COL11A1: variants seen among roughly 807,000 people sequenced by gnomAD.
COL11A1 encodes the protein collagen type XI alpha 1 chain.
A neutral mutation model predicts 265.2 loss-of-function variants in COL11A1; 74 were observed. The ratio of observed to expected loss-of-function variants is 0.28; its 90% CI spans 0.23 to 0.34. The LOEUF (loss-of-function observed/expected upper bound fraction) is 0.34. Ranked by LOEUF, COL11A1 falls within the 10% of genes least tolerant of loss-of-function variation. The pLI, the probability that COL11A1 is intolerant of heterozygous loss-of-function variation, is 1.00. For synonymous variants in COL11A1, 816 were observed against 727.6 expected, an observed-to-expected ratio of 1.12 and a Z score of -1.96; for missense variants, 2,165 against 2,263.6, an observed-to-expected ratio of 0.96 and a Z score of 0.88.
In COL11A1 at chr1:103,050,550, C is replaced by T. The variant is rs563127582; in HGVS notation, c.652-19306G>A. ...ACTTCTTTGCCATTGGTTCGAACTT[C>T]CTCCTGTGGCTCGGAGTAGTTTGAT... On this transcript the variant is annotated intron_variant, in intron 4 of 66. Transcript: ENST00000370096. Among the ~76,000 whole-genome samples, 5 of 152,266 alleles carry T rather than the reference C, an allele frequency of 3.3e-5. No homozygotes were observed. In the East Asian group the frequency reaches 9.7e-4, roughly 29 times the overall value.
At chr1:102,976,544 C>T (rs1662512719) in intron 35 of COL11A1, among the ~76,000 whole-genome samples, 1 of 151,836 alleles carries the variant, frequency 6.6e-6, no homozygotes, top group Non-Finnish European at 1.5e-5. Flanking sequence ...GGTAATCTGC[C>T]CACCTCTGCC....
chr1:103,021,835 C>T, intron 8 of COL11A1, 66 bp from the exon 9 acceptor site: 1 of 1,089,100 alleles, frequency 9.2e-7, no homozygotes, highest in Non-Finnish European at 1.3e-6. Context: ...TCTTTCTTTT[C>T]TTCTTTTTTT....
intron 1 of COL11A1, among the ~76,000 whole-genome samples, chr1:103,101,989 A>G (rs1247621561): frequency 2.0e-5 from 3 of 152,058 alleles, no homozygotes; most frequent in African/African-American, 7.2e-5. Flanking sequence ...CCAATGTCTA[A>G]AGAACCACTA....
At chr1:103,092,103 G>A (rs796181040) in intron 1 of COL11A1, among the ~76,000 whole-genome samples, 5 of 152,110 alleles carry the variant, frequency 3.3e-5, no homozygotes, top group African/African-American at 1.2e-4. Context: ...TAATGAAAAA[G>A]TGTGACTTCC....
At position 102,924,829 on chromosome 1, in the gene COL11A1, TA is replaced by T. The variant is rs547838720; in HGVS notation, c.3601-1441del. Among the ~76,000 whole-genome samples, 229 of 152,124 alleles carry T rather than the reference TA, an allele frequency of 1.5e-3. No individual in the cohort carries two copies. The Middle Eastern group carries it at 0.017, about 11-fold the overall frequency. On this transcript the variant is annotated intron_variant, in intron 46 of 66. Transcript: ENST00000370096. The stretch of plus-strand genomic sequence containing the variant: ...AAACATGAATAATATATACAACAAA[TA>T]AAAAATACAAATGAATATGCATAAG...
chr1:102,940,658 C>T (rs947012468), intron 42 of COL11A1, among the ~76,000 whole-genome samples: 1 of 151,890 alleles, frequency 6.6e-6, no homozygotes, highest in African/African-American at 2.4e-5. Flanking sequence ...TAATTAGGAC[C>T]CAACTTAGAA....
In COL11A1 at chr1:102,978,704, G is replaced by A. The variant is rs201183993; in HGVS notation, c.2754+4C>T. ...TTTATATTATGTGGCTGTATCATAC[G>A]TACTCTTTCACCTGGAGGGCCAGGA... On this transcript the variant is annotated splice_donor_region_variant and intron_variant, in intron 35 of 66. Transcript: ENST00000370096. The A allele has an allele frequency of 2.5e-5, 40 of 1,613,530 alleles. No homozygotes were observed. In the Admixed American group the frequency reaches 4.3e-4, roughly 17 times the overall value.
At chr1:102,940,520 G>A in intron 42 of COL11A1, 86 bp from the exon 43 acceptor site, 3 of 971,342 alleles carry the variant, frequency 3.1e-6, no homozygotes, top group Non-Finnish European at 4.8e-6. Context: ...ATTTGACAAG[G>A]ATATTGTTTA....
At chr1:103,001,655 C>T (rs1665117293) in intron 24 of COL11A1, 1 of 509,506 alleles carries the variant, frequency 2.0e-6, no homozygotes, top group Non-Finnish European at 3.5e-6. Flanking sequence ...AAAATATTCA[C>T]TCATACCGTT....
At position 103,092,543 on chromosome 1, in the gene COL11A1, C is replaced by A. The variant is rs1046504568; in HGVS notation, c.107-9571G>T. ...AGAAATGTAAACAAACATAAAGATG[C>A]AGCAATAAATGAAAACTGCATAAGA... On this transcript the variant is annotated intron_variant, in intron 1 of 66. Coordinates refer to ENST00000370096, the MANE Select transcript of COL11A1 (RefSeq NM_001854.4). Among the ~76,000 whole-genome samples the A allele has an allele frequency of 3.9e-5, 6 of 152,194 alleles. No homozygotes were observed. The East Asian group carries it at 1.2e-3, about 29-fold the overall frequency.
Position 103,015,703 on chromosome 1 carries a change from G to A in COL11A1, c.1453C>T (p.Leu485=), listed in dbSNP as rs536428525. 3 of 1,609,426 alleles carry A rather than the reference G, an allele frequency of 1.9e-6. No individual in the cohort carries two copies. Among genetic ancestry groups the A allele is most frequent in the Non-Finnish European group, 2.5e-6 (3 of 1,177,502 alleles). Reference sequence around the variant, plus strand: ...AACATAGTACCAGGAGGACCAGGTAGACCATCAGCCCCTGGTAAGCCAGGA... The same window carrying A: ...AACATAGTACCAGGAGGACCAGGTAAACCATCAGCCCCTGGTAAGCCAGGA... ...GRPGLPGADG[L]PGPPGTMLML... is the part of the protein sequence containing the mutation. Residue 485 remains leucine, a synonymous_variant, in exon 12 of 67, where the codon CTA becomes TTA. Coordinates refer to ENST00000370096, the MANE Select transcript of COL11A1 (RefSeq NM_001854.4).
At position 102,962,694 on chromosome 1, in the gene COL11A1, C is replaced by T. The variant is rs1661034735; in HGVS notation, c.2983G>A (p.Glu995Lys). 1 of 1,614,160 alleles carries T rather than the reference C, an allele frequency of 6.2e-7. No individual in the cohort carries two copies. Among genetic ancestry groups the T allele is most frequent in the Non-Finnish European group, 8.5e-7 (1 of 1,180,008 alleles). Reference protein sequence around the residue: ...GHPGPPGPPGEQGLPGAAGKE... With the variant: ...GHPGPPGPPGKQGLPGAAGKE... Reference sequence around the variant, plus strand: ...CCTGCAGCACCAGGAAGACCTTGCTCACCAGGAGGGCCAGGAGGGCCAGGA... The same window carrying T: ...CCTGCAGCACCAGGAAGACCTTGCTTACCAGGAGGGCCAGGAGGGCCAGGA... The change falls in exon 39 of 67, where the codon GAG becomes AAG. Residue 995 changes from glutamate (E) to lysine (K), a missense_variant. By Grantham distance (56) the Glu-to-Lys change is moderately conservative (BLOSUM62 1). Transcript: ENST00000370096.
intron 39 of COL11A1, among the ~76,000 whole-genome samples, 188 bp downstream of exon 39, chr1:102,962,465 T>C (rs866981238): frequency 3.3e-5 from 5 of 152,236 alleles, no homozygotes; most frequent in Admixed American, 3.3e-4. Flanking sequence ...AAAGATTTTA[T>C]GGTCAACGGA....
chr1:103,027,522 T>C (rs1667642745), intron 5 of COL11A1, among the ~76,000 whole-genome samples: 1 of 148,754 alleles, frequency 6.7e-6, no homozygotes, highest in African/African-American at 2.5e-5. Context: ...GTATACTTAA[T>C]ATATATTTTC....
intron 53 of COL11A1, among the ~76,000 whole-genome samples, chr1:102,913,394 C>T (rs950546035): frequency 3.9e-5 from 6 of 151,934 alleles, no homozygotes; most frequent in South Asian, 2.1e-4. Context: ...ATTGTGACAA[C>T]CTTATTAGTA....
chr1:102,929,733 G>A (rs915376292), intron 46 of COL11A1, among the ~76,000 whole-genome samples: 6 of 151,992 alleles, frequency 3.9e-5, no homozygotes, highest in Non-Finnish European at 7.4e-5. Flanking sequence ...TGCATGGAAT[G>A]TTCTTCCATT....
chr1:102,944,631 T>C (rs1056983841), intron 42 of COL11A1, among the ~76,000 whole-genome samples: 13 of 152,172 alleles, frequency 8.5e-5, no homozygotes, highest in Non-Finnish European at 1.8e-4. Context: ...ACCTAATTAA[T>C]TTCTTATCGG....
In COL11A1 at chr1:102,933,592, C is replaced by T. The variant is rs540327049; in HGVS notation, c.3600+857G>A. ...GGTGGAGCCTACAGAGGCAGGCAGGCCTCCTTGAGCTGTGGTGGGCTCCAC... is the reference window on the plus strand; with the variant it reads ...GGTGGAGCCTACAGAGGCAGGCAGGTCTCCTTGAGCTGTGGTGGGCTCCAC... On this transcript the variant is annotated intron_variant, in intron 46 of 66. Transcript: ENST00000370096. Among the ~76,000 whole-genome samples, 16 of 152,312 alleles carry T rather than the reference C, an allele frequency of 1.1e-4. No homozygotes were observed. The East Asian group carries it at 1.4e-3, about 13-fold the overall frequency.
intron 3 of COL11A1, 105 bp from the exon 4 acceptor site, chr1:103,074,885 A>T: frequency 1.5e-6 from 2 of 1,303,122 alleles, no homozygotes; most frequent in South Asian, 2.5e-5. Flanking sequence ...AAATGAGCTA[A>T]AATCATACAA....
Sources: gnomAD v4.1 joint callset for allele counts (sites outside exome capture counted in the v4.1 genomes callset) on GRCh38, gnomAD v4.1.1 for gene constraint, MANE v1.5 for transcripts, NCBI Gene and HGNC (gene_info 2026-07-23, HGNC 2026-07-21) for gene names.